EFNA5: variants seen among roughly 807,000 people sequenced by gnomAD.
The protein encoded by EFNA5 is ephrin A5.
Under a neutral mutation model 22.9 loss-of-function variants are expected in EFNA5, and 5 were observed. The ratio of observed to expected loss-of-function variants is 0.22; its 90% CI spans 0.11 to 0.46. The LOEUF is 0.46. EFNA5 is among the 20% of genes least tolerant of loss of function. The pLI, the probability that EFNA5 is intolerant of heterozygous loss-of-function variation, is 0.99. For missense variants in EFNA5, 237 were observed against 293.3 expected, an observed-to-expected ratio of 0.81 and a Z score of 1.40; for synonymous variants, 113 against 112.2, an observed-to-expected ratio of 1.01 and a Z score of -0.04.
rs971512314 is a variant in EFNA5 at position 107,406,199 on chromosome 5, A to G, written c.419-18428T>C. The stretch of plus-strand genomic sequence containing the variant: ...ATACATAGAATGTATACAAATACAT[A>G]TATTTGTATATAATGTATACAAATA... On this transcript the variant is annotated intron_variant, in intron 2 of 4. Coordinates refer to ENST00000333274, the MANE Select transcript of EFNA5 (RefSeq NM_001962.3). Among the ~76,000 whole-genome samples the G allele has an allele frequency of 1.5e-3, 221 of 146,690 alleles. 1 individual carries two copies. Among genetic ancestry groups the G allele is most frequent in the African/African-American group, 4.2e-3 (170 of 40,072 alleles).
intron 4 of EFNA5, among the ~76,000 whole-genome samples, chr5:107,384,742 A>G (rs1395388403): frequency 6.7e-6 from 1 of 148,674 alleles, no homozygotes; most frequent in African/African-American, 2.5e-5. Context: ...CTCCCAAGTA[A>G]CTGAGACTAA....
intron 1 of EFNA5, among the ~76,000 whole-genome samples, chr5:107,585,348 G>A (rs758267288): frequency 6.6e-6 from 1 of 152,146 alleles, no homozygotes; most frequent in Admixed American, 6.6e-5. Context: ...GGGCACAAAG[G>A]AGTTTTTCCT....
chr5:107,444,129 A>G (rs1293513571), intron 1 of EFNA5, among the ~76,000 whole-genome samples: 3 of 152,186 alleles, frequency 2.0e-5, no homozygotes, highest in African/African-American at 7.2e-5. Context: ...GTGGTTCAGA[A>G]CAGTTTCCGC....
chr5:107,409,038 C>T (rs1748294439), intron 2 of EFNA5, among the ~76,000 whole-genome samples: 1 of 152,194 alleles, frequency 6.6e-6, no homozygotes, highest in South Asian at 2.1e-4. Flanking sequence ...CAAGCTTGAA[C>T]ACAAAGACAT....
intron 1 of EFNA5, among the ~76,000 whole-genome samples, chr5:107,570,478 T>C (rs1748777725): frequency 6.6e-6 from 1 of 152,238 alleles, no homozygotes; most frequent in South Asian, 2.1e-4. Context: ...GTAATCATCT[T>C]AATCCCTTGT....
chr5:107,378,018 T>C lies in EFNA5; in HGVS notation c.*3237A>G, dbSNP rs1435345302. On this transcript the variant is annotated 3_prime_UTR_variant, in exon 5 of 5. Transcript: ENST00000333274. ...GAGCAGTGTCTCAGCCACTTGTGAC[T>C]CTTTTTTTCAGCCATGGTACACATT... 1 of 152,152 alleles carries C rather than the reference T, an allele frequency of 6.6e-6. No homozygotes were observed. The highest frequency in any genetic ancestry group is 1.5e-5 in the Non-Finnish European group (1 of 68,034). The allele number at this position is 152,152 out of a possible 1,614,324, so 9.4% of individuals were successfully genotyped here.
intron 1 of EFNA5, among the ~76,000 whole-genome samples, chr5:107,532,730 C>T (rs1747840872): frequency 6.6e-6 from 1 of 152,220 alleles, no homozygotes; most frequent in Non-Finnish European, 1.5e-5. Flanking sequence ...GGCTGTCTGA[C>T]AAAAGCGATT....
At chr5:107,442,943 A>C (rs1256962453) in intron 1 of EFNA5, among the ~76,000 whole-genome samples, 1 of 151,714 alleles carries the variant, frequency 6.6e-6, no homozygotes, top group African/African-American at 2.4e-5. Context: ...AAAAAAAAAA[A>C]AAAAAAAAAA....
chr5:107,496,351 A>C (rs1340420206), intron 1 of EFNA5, among the ~76,000 whole-genome samples: 2 of 149,636 alleles, frequency 1.3e-5, no homozygotes, highest in South Asian at 2.1e-4. Flanking sequence ...AAAAAAAAAA[A>C]AACAAAAAAA....
intron 1 of EFNA5, among the ~76,000 whole-genome samples, chr5:107,488,346 A>C (rs1017894606): frequency 6.6e-6 from 1 of 152,196 alleles, no homozygotes; most frequent in East Asian, 1.9e-4. Flanking sequence ...AGTTTATTCA[A>C]GTCTATTTAG....
At chr5:107,393,763 T>C (rs1747847501) in intron 2 of EFNA5, among the ~76,000 whole-genome samples, 1 of 152,162 alleles carries the variant, frequency 6.6e-6, no homozygotes. Context: ...CAGGTGAAGG[T>C]GGAATTAAGC....
In EFNA5 at chr5:107,602,895, A is replaced by AT. The variant is rs558709186; in HGVS notation, c.125+67593dup. Among the ~76,000 whole-genome samples, 33 of 152,342 alleles carry AT rather than the reference A, an allele frequency of 2.2e-4. No individual in the cohort carries two copies. The East Asian group carries it at 6.2e-3, about 29-fold the overall frequency. On this transcript the variant is annotated intron_variant, in intron 1 of 4. Coordinates refer to ENST00000333274, the MANE Select transcript of EFNA5 (RefSeq NM_001962.3). ...GTGACTAGAGGCCATGGGCTTTGGG[A>AT]TAAAAAGCCCTAGATACTGGCAGGA...
chr5:107,462,405 G>C (rs1186396443), intron 1 of EFNA5, among the ~76,000 whole-genome samples: 13 of 152,290 alleles, frequency 8.5e-5, no homozygotes, highest in East Asian at 7.7e-4. Flanking sequence ...GACAAATGCT[G>C]TATTGCTGAA....
intron 1 of EFNA5, among the ~76,000 whole-genome samples, chr5:107,661,312 GCT>G (rs1561463239): frequency 6.6e-6 from 1 of 152,142 alleles, no homozygotes; most frequent in African/African-American, 2.4e-5. Context: ...AGCCACAAAA[GCT>G]CTGTCTGAGC....
chr5:107,647,781 T>C (rs940236420), intron 1 of EFNA5, among the ~76,000 whole-genome samples: 8 of 152,118 alleles, frequency 5.3e-5, no homozygotes, highest in Non-Finnish European at 1.2e-4. Flanking sequence ...TCTGTGACTG[T>C]GATTAGTCCA....
chr5:107,627,117 AT>A (rs1750158808), intron 1 of EFNA5, among the ~76,000 whole-genome samples: 1 of 152,186 alleles, frequency 6.6e-6, no homozygotes, highest in Non-Finnish European at 1.5e-5. Context: ...TATTTGAGTG[AT>A]TTATTTCCAT....
At chr5:107,504,529 T>C (rs575951469) in intron 1 of EFNA5, among the ~76,000 whole-genome samples, 3 of 152,306 alleles carry the variant, frequency 2.0e-5, no homozygotes, top group Admixed American at 1.3e-4. Flanking sequence ...ATAATATGCA[T>C]GCTTATAGGA....
intron 2 of EFNA5, among the ~76,000 whole-genome samples, chr5:107,401,972 C>T (rs1203805301): frequency 6.6e-6 from 1 of 152,190 alleles, no homozygotes; most frequent in Non-Finnish European, 1.5e-5. Flanking sequence ...CTCCTTTATA[C>T]CATCGGCTTT....
intron 1 of EFNA5, among the ~76,000 whole-genome samples, chr5:107,539,587 T>G (rs1266239056): frequency 1.3e-5 from 2 of 152,180 alleles, no homozygotes; most frequent in Non-Finnish European, 2.9e-5. Context: ...GCCTCCCAAG[T>G]AGCTGGGACT....
Sources: allele counts gnomAD v4.1 joint callset (sites outside exome capture counted in the v4.1 genomes callset), GRCh38; gene constraint gnomAD v4.1.1; transcripts MANE v1.5; gene names NCBI Gene and HGNC (gene_info 2026-07-23, HGNC 2026-07-21).